Variants in MYO1E observed in about 807,000 individuals in gnomAD.
MYO1E encodes unconventional myosin-Ie.
MYO1E carries 68 observed loss-of-function variants against 151.1 expected under a neutral mutation model. The ratio of observed to expected loss-of-function variants is 0.45; its 90% CI spans 0.37 to 0.55. The LOEUF (loss-of-function observed/expected upper bound fraction) is 0.55, where lower values mean the gene tolerates loss of function less well. MYO1E is among the 20% of genes least tolerant of loss of function. The probability of loss-of-function intolerance (pLI) is 0.00; values close to 1 mark genes in which losing one functional copy is unlikely to be tolerated. For synonymous variants in MYO1E, 601 were observed against 501.7 expected (o/e 1.20, Z -2.64); for missense variants, 1,363 against 1,389.3 (o/e 0.98, Z 0.30).
intron 7 of MYO1E, among the ~76,000 whole-genome samples, chr15:59,226,518 G>A (rs1374351592): frequency 6.6e-6 from 1 of 152,150 alleles, no homozygotes; most frequent in Non-Finnish European, 1.5e-5. Context: ...AAAAGTACCT[G>A]AATCAGGGCC....
intron 22 of MYO1E, among the ~76,000 whole-genome samples, chr15:59,166,198 C>T (rs1373273703): frequency 1.3e-5 from 2 of 152,242 alleles, no homozygotes. Flanking sequence ...GGCAGACCAC[C>T]TTCACCCAGG....
chr15:59,277,405 C>A (rs1347039046), intron 1 of MYO1E, among the ~76,000 whole-genome samples: 4 of 151,914 alleles, frequency 2.6e-5, no homozygotes, highest in Admixed American at 6.6e-5. Flanking sequence ...TTTAGCTGGG[C>A]ATGGTGGCAT....
chr15:59,324,763 G>A (rs890855139), intron 1 of MYO1E, among the ~76,000 whole-genome samples: 1 of 151,846 alleles, frequency 6.6e-6, no homozygotes, highest in Admixed American at 6.6e-5. Flanking sequence ...GAGGGGACCT[G>A]AGGAGTAAAA....
At chr15:59,239,603 T>A (rs1304000793) in intron 4 of MYO1E, among the ~76,000 whole-genome samples, 1 of 152,216 alleles carries the variant, frequency 6.6e-6, no homozygotes, top group Non-Finnish European at 1.5e-5. Flanking sequence ...TCTCTTTTGT[T>A]GGAAACAAAA....
At chr15:59,154,065 G>A (rs1317888432) in intron 25 of MYO1E, among the ~76,000 whole-genome samples, 2 of 152,168 alleles carry the variant, frequency 1.3e-5, no homozygotes, top group Non-Finnish European at 2.9e-5. Flanking sequence ...TCAACTTCCC[G>A]GGATGTGCCC....
intron 26 of MYO1E, among the ~76,000 whole-genome samples, chr15:59,147,902 C>G (rs997191733): frequency 2.6e-5 from 4 of 152,110 alleles, no homozygotes; most frequent in Admixed American, 2.6e-4. Context: ...AAGCGTAGAC[C>G]TTCATGGAGT....
intron 16 of MYO1E, among the ~76,000 whole-genome samples, chr15:59,199,930 A>C (rs2140332562): frequency 6.6e-6 from 1 of 152,324 alleles, no homozygotes; most frequent in Non-Finnish European, 1.5e-5. Flanking sequence ...ACAGCCAGGC[A>C]GACAGAGGTC....
chr15:59,289,668 G>A (rs2080407639), intron 1 of MYO1E, among the ~76,000 whole-genome samples: 1 of 152,194 alleles, frequency 6.6e-6, no homozygotes, highest in African/African-American at 2.4e-5. Context: ...AAGATGAGGG[G>A]CAATGCCAGC....
chr15:59,325,392 G>A (rs745876136), intron 1 of MYO1E, among the ~76,000 whole-genome samples: 5 of 152,140 alleles, frequency 3.3e-5, no homozygotes, highest in African/African-American at 7.2e-5. Flanking sequence ...CAGGGATTTC[G>A]TGGAAGTGAT....
chr15:59,338,135 C>T (rs1290717925), intron 1 of MYO1E, among the ~76,000 whole-genome samples: 6 of 147,262 alleles, frequency 4.1e-5, no homozygotes, highest in Admixed American at 2.7e-4. Context: ...CATTGTGAGG[C>T]AAGGCAAGAA....
chr15:59,306,235 T>G (rs1382095959), intron 1 of MYO1E, among the ~76,000 whole-genome samples: 4 of 152,222 alleles, frequency 2.6e-5, no homozygotes, highest in African/African-American at 9.6e-5. Context: ...CTGTTGTAGA[T>G]TATTACATGT....
intron 1 of MYO1E, 47 bp downstream of exon 1, chr15:59,372,451 C>T (rs1394753937): frequency 2.6e-6 from 4 of 1,536,488 alleles, no homozygotes; most frequent in Non-Finnish European, 3.5e-6. Flanking sequence ...GGGTTTCCTG[C>T]CCCGTCCCCG....
At chr15:59,276,752 GTGATTCCCTGAC>G (rs1413360119) in intron 1 of MYO1E, among the ~76,000 whole-genome samples, 1 of 152,208 alleles carries the variant, frequency 6.6e-6, no homozygotes, top group Non-Finnish European at 1.5e-5. Context: ...CCTCAGATGG[GTGATTCCCTGAC>G]TGATTTTTTC....
intron 17 of MYO1E, among the ~76,000 whole-genome samples, chr15:59,193,312 G>T (rs570763051): frequency 6.6e-6 from 1 of 152,288 alleles, no homozygotes; most frequent in South Asian, 2.1e-4. Flanking sequence ...ATGATTGATT[G>T]ATTGATTGAC....
chr15:59,265,677 T>C (rs2080248780), intron 2 of MYO1E, among the ~76,000 whole-genome samples: 1 of 151,396 alleles, frequency 6.6e-6, no homozygotes, highest in Non-Finnish European at 1.5e-5. Context: ...TGGTTTAAAA[T>C]GGCTGTTTCT....
intron 5 of MYO1E, among the ~76,000 whole-genome samples, chr15:59,236,116 C>T (rs1034988440): frequency 5.9e-5 from 9 of 151,952 alleles, no homozygotes; most frequent in African/African-American, 2.2e-4. Context: ...CCGAGGAGGG[C>T]AGATCACCTG....
chr15:59,223,020 C>T (rs746119325), intron 9 of MYO1E, 39 bp downstream of exon 9: 3 of 1,612,644 alleles, frequency 1.9e-6, no homozygotes, highest in African/African-American at 1.3e-5. Context: ...TCAGAGCTAG[C>T]CACCCCTCAT....
intron 1 of MYO1E, among the ~76,000 whole-genome samples, chr15:59,365,343 G>A (rs1348500603): frequency 1.3e-5 from 2 of 152,086 alleles, no homozygotes; most frequent in South Asian, 2.1e-4. Flanking sequence ...TTCTTATAAT[G>A]AAGTTAGTAC....
chr15:59,337,085 T>C (rs1321058128), intron 1 of MYO1E, among the ~76,000 whole-genome samples: 2 of 152,220 alleles, frequency 1.3e-5, no homozygotes, highest in African/African-American at 2.4e-5. Context: ...TGTACAGTTA[T>C]TGAATTGTTT....
Sources: allele counts gnomAD v4.1 joint callset (sites outside exome capture counted in the v4.1 genomes callset), GRCh38; gene constraint gnomAD v4.1.1; transcripts MANE v1.5; gene names NCBI Gene and HGNC (gene_info 2026-07-23, HGNC 2026-07-21).